Variants in RBMS3 observed in about 807,000 individuals in gnomAD.
RBMS3 encodes RNA-binding motif, single-stranded-interacting protein 3.
RBMS3 carries 27 observed loss-of-function variants against 66.8 expected under a neutral mutation model. That is an observed-to-expected ratio of 0.40 (90% confidence interval 0.30 to 0.56). RBMS3 has a LOEUF of 0.56. Among genes scored for constraint, RBMS3 ranks in the 20% least tolerant of loss-of-function variants. RBMS3 has a pLI of 0.40. For synonymous variants in RBMS3, 188 were observed against 183.0 expected (o/e 1.03, Z -0.22); for missense variants, 513 against 549.5 (o/e 0.93, Z 0.66).
At chr3:29,514,169 A>G (rs1204222854) in intron 3 of RBMS3, among the ~76,000 whole-genome samples, 1 of 152,194 alleles carries the variant, frequency 6.6e-6, no homozygotes, top group Non-Finnish European at 1.5e-5. Flanking sequence ...CACACTTTAA[A>G]AAATCAGGGA....
intron 10 of RBMS3, among the ~76,000 whole-genome samples, chr3:29,908,100 A>C (rs889658245): frequency 6.6e-6 from 1 of 151,976 alleles, no homozygotes; most frequent in Non-Finnish European, 1.5e-5. Flanking sequence ...AATACAAAAA[A>C]ATTAGCCAGG....
intron 6 of RBMS3, among the ~76,000 whole-genome samples, chr3:29,862,913 A>G (rs1235702637): frequency 6.6e-6 from 1 of 151,982 alleles, no homozygotes; most frequent in Non-Finnish European, 1.5e-5. Context: ...CAGGGATGGA[A>G]GGATACTAAT....
chr3:29,421,261 T>C (rs1376441443), intron 1 of RBMS3, among the ~76,000 whole-genome samples: 2 of 152,212 alleles, frequency 1.3e-5, no homozygotes, highest in African/African-American at 4.8e-5. Flanking sequence ...ATAAATGTAT[T>C]ACTATCCCAT....
chr3:29,743,919 C>G (rs1286429044), intron 5 of RBMS3, among the ~76,000 whole-genome samples: 1 of 127,798 alleles, frequency 7.8e-6, no homozygotes, highest in Non-Finnish European at 1.6e-5. Flanking sequence ...CAACAGTCCC[C>G]AGAGTGTGAT....
At chr3:29,349,107 T>TC (rs1195186771) in intron 1 of RBMS3, among the ~76,000 whole-genome samples, 1 of 152,172 alleles carries the variant, frequency 6.6e-6, no homozygotes, top group Non-Finnish European at 1.5e-5. Context: ...TTTCTTAGGC[T>TC]CCTTTGAGGC....
chr3:29,782,198 C>T (rs1284220130), intron 6 of RBMS3, among the ~76,000 whole-genome samples: 2 of 152,130 alleles, frequency 1.3e-5, no homozygotes, highest in Non-Finnish European at 2.9e-5. Flanking sequence ...CTTGAAAGCT[C>T]CACCTCCTAC....
intron 1 of RBMS3, among the ~76,000 whole-genome samples, chr3:29,330,531 A>C (rs80063155): frequency 6.2e-5 from 2 of 32,398 alleles, no homozygotes; most frequent in East Asian, 3.8e-3. Context: ...ATTGTCTATA[A>C]AAAATCCATT....
intron 1 of RBMS3, among the ~76,000 whole-genome samples, chr3:29,385,743 C>T (rs2038981896): frequency 6.6e-6 from 1 of 152,100 alleles, no homozygotes; most frequent in South Asian, 2.1e-4. Flanking sequence ...CATATTTTGC[C>T]TCAGCCACAC....
At chr3:29,670,815 C>T (rs1345581365) in intron 4 of RBMS3, among the ~76,000 whole-genome samples, 1 of 152,206 alleles carries the variant, frequency 6.6e-6, no homozygotes, top group East Asian at 1.9e-4. Context: ...GTAGACTCCA[C>T]CTCTGGGGGC....
chr3:29,729,436 C>T (rs767431041), intron 4 of RBMS3, among the ~76,000 whole-genome samples: 172 of 151,942 alleles, frequency 1.1e-3, no homozygotes, highest in Middle Eastern at 3.4e-3. Context: ...TGAATAGTGC[C>T]GCAATAAACA....
intron 1 of RBMS3, among the ~76,000 whole-genome samples, chr3:29,337,027 T>C (rs2035996163): frequency 6.6e-6 from 1 of 152,140 alleles, no homozygotes; most frequent in Non-Finnish European, 1.5e-5. Context: ...CATTGTAACA[T>C]GCTTAAAATT....
intron 1 of RBMS3, among the ~76,000 whole-genome samples, chr3:29,298,157 A>G (rs912222976): frequency 6.6e-6 from 1 of 151,894 alleles, no homozygotes; most frequent in African/African-American, 2.4e-5. Context: ...TGCATGTGGT[A>G]GGTGTTTAAT....
At chr3:29,372,198 C>T (rs974588621) in intron 1 of RBMS3, among the ~76,000 whole-genome samples, 1 of 152,064 alleles carries the variant, frequency 6.6e-6, no homozygotes, top group African/African-American at 2.4e-5. Context: ...GATGTGGGGA[C>T]GTGCACCTGT....
At chr3:29,361,879 G>A (rs183079922) in intron 1 of RBMS3, among the ~76,000 whole-genome samples, 97 of 152,252 alleles carry the variant, frequency 6.4e-4, no homozygotes, top group African/African-American at 2.2e-3. Flanking sequence ...TAGTTCTCGT[G>A]CCATGGTTTT....
At chr3:29,914,626 C>A (rs1191731858) in intron 10 of RBMS3, among the ~76,000 whole-genome samples, 2 of 151,864 alleles carry the variant, frequency 1.3e-5, no homozygotes, top group South Asian at 2.1e-4. Context: ...TTTTCTTATA[C>A]CTATACTGTT....
At chr3:29,450,796 A>C (rs1306979286) in intron 2 of RBMS3, among the ~76,000 whole-genome samples, 2 of 152,034 alleles carry the variant, frequency 1.3e-5, no homozygotes, top group Non-Finnish European at 2.9e-5. Context: ...CATATACTTA[A>C]TGTGTCAAAA....
chr3:29,737,040 G>A (rs2054411361), intron 4 of RBMS3, among the ~76,000 whole-genome samples: 2 of 151,842 alleles, frequency 1.3e-5, no homozygotes, highest in Non-Finnish European at 2.9e-5. Context: ...GCAGTGGCAT[G>A]ATCTCAGCTC....
intron 6 of RBMS3, among the ~76,000 whole-genome samples, chr3:29,833,750 A>G (rs948631414): frequency 6.6e-6 from 1 of 152,164 alleles, no homozygotes; most frequent in Admixed American, 6.6e-5. Context: ...ACAGAAAAGG[A>G]ACAGAATTCT....
chr3:29,340,347 T>C (rs554842809), intron 1 of RBMS3, among the ~76,000 whole-genome samples: 3 of 152,260 alleles, frequency 2.0e-5, no homozygotes, highest in African/African-American at 7.2e-5. Flanking sequence ...ACATTTACTT[T>C]TTCTGTTTTT....
Sources: allele counts gnomAD v4.1 joint callset (sites outside exome capture counted in the v4.1 genomes callset), GRCh38; gene constraint gnomAD v4.1.1; transcripts MANE v1.5; gene names NCBI Gene and HGNC (gene_info 2026-07-23, HGNC 2026-07-21).